Variants in CNTNAP3B observed in about 807,000 individuals in gnomAD.
The protein encoded by CNTNAP3B is contactin-associated protein-like 3B.
CNTNAP3B carries 25 observed loss-of-function variants against 108.9 expected under a neutral mutation model. That is an observed-to-expected ratio of 0.23 (90% CI 0.17 to 0.32). CNTNAP3B has a LOEUF of 0.32. CNTNAP3B is among the 10% of genes least tolerant of loss of function. CNTNAP3B has a pLI of 1.00. For synonymous variants in CNTNAP3B, 103 were observed against 473.4 expected, an observed-to-expected ratio of 0.22 and a Z score of 10.16; for missense variants, 252 against 1,210.4, an observed-to-expected ratio of 0.21 and a Z score of 11.75.
chr9:42,060,523 G>GTAAT (rs1226492018), intron 3 of CNTNAP3B, among the ~76,000 whole-genome samples: 2 of 78,498 alleles, frequency 2.5e-5, no homozygotes, highest in African/African-American at 1.2e-4. Flanking sequence ...TGGTATCAGG[G>GTAAT]TAATGCTGGT....
intron 2 of CNTNAP3B, among the ~76,000 whole-genome samples, chr9:42,094,393 G>T (rs1409476903): frequency 7.6e-6 from 1 of 130,724 alleles, no homozygotes; most frequent in South Asian, 2.5e-4. Context: ...GGTGGCTCAG[G>T]CCTGTAATCC....
At chr9:42,112,754 A>T (rs574671688) in intron 1 of CNTNAP3B, among the ~76,000 whole-genome samples, 5 of 137,346 alleles carry the variant, frequency 3.6e-5, no homozygotes, top group Non-Finnish European at 6.2e-5. Context: ...AGCACTACAA[A>T]TATAAAGTTA....
intron 2 of CNTNAP3B, among the ~76,000 whole-genome samples, chr9:42,098,340 G>A (rs1310550039): frequency 3.2e-5 from 4 of 124,238 alleles, no homozygotes; most frequent in South Asian, 2.7e-4. Context: ...CTGGGAGGCC[G>A]AGAAAGGTGG....
At position 42,113,931 on chromosome 9, in the gene CNTNAP3B, A is replaced by C. The variant is rs1369433951; in HGVS notation, c.86-9192T>G. ...CCATCGATATATACACCTACTATGC[A>C]ACCACAAAATTAAAAACTAAAAAAA... On this transcript the variant is annotated intron_variant, in intron 1 of 23. Transcript: ENST00000377561. 2.9e-5 allele frequency among the ~76,000 whole-genome samples: 4 copies of C among 137,514 alleles called. 1 individual carries two copies. Among genetic ancestry groups the C allele is most frequent in the Admixed American group, 7.3e-5 (1 of 13,736 alleles). 90.2% of individuals were successfully genotyped at this position (137,514 alleles called of 152,430 possible).
intron 3 of CNTNAP3B, among the ~76,000 whole-genome samples, chr9:42,022,149 G>A (rs1450195375): frequency 7.6e-6 from 1 of 131,478 alleles, no homozygotes; most frequent in East Asian, 2.3e-4. Context: ...ACTTCCTCAT[G>A]AATTCCAGCA....
intron 14 of CNTNAP3B, among the ~76,000 whole-genome samples, chr9:41,931,153 T>A (rs1197744989): frequency 1.3e-5 from 2 of 151,874 alleles, no homozygotes; most frequent in African/African-American, 4.8e-5. Context: ...TGCAACACTT[T>A]TGTATTTTCA....
chr9:41,961,237 G>A (rs1298023712), intron 11 of CNTNAP3B, among the ~76,000 whole-genome samples: 1 of 152,298 alleles, frequency 6.6e-6, no homozygotes, highest in African/African-American at 2.4e-5. Context: ...CAGTGGGAAT[G>A]CGATACTATC....
intron 5 of CNTNAP3B, among the ~76,000 whole-genome samples, 164 bp from the exon 6 acceptor site, chr9:41,997,916 G>GTTCA (rs1368584217): frequency 9.0e-6 from 1 of 111,186 alleles, no homozygotes. Flanking sequence ...ATTTTTTTAA[G>GTTCA]TTCAATTCTA....
intron 2 of CNTNAP3B, among the ~76,000 whole-genome samples, chr9:42,096,180 G>T (rs540711578): frequency 7.2e-6 from 1 of 139,148 alleles, no homozygotes; most frequent in African/African-American, 2.9e-5. Context: ...GGAGACTGGC[G>T]TTCTCCTTTC....
In CNTNAP3B at chr9:42,116,158, G is replaced by T. The variant is rs1254010344; in HGVS notation, c.86-11419C>A. Among the ~76,000 whole-genome samples, 9 of 136,912 alleles carry T rather than the reference G, an allele frequency of 6.6e-5. 2 individuals are homozygous for T. Among genetic ancestry groups the T allele is most frequent in the Non-Finnish European group, 1.4e-4 (9 of 63,682 alleles). The allele number at this position is 136,912 out of a possible 152,430, so 89.8% of individuals were successfully genotyped here. A position where few individuals can be genotyped will look rare whatever the true frequency, so the allele number is the denominator to read the frequency against. ...AAATGAATGAAATGAAGCGAGAAAA[G>T]AAGTTTAGAGAAAAAAGAGTAAAAA... On this transcript the variant is annotated intron_variant, in intron 1 of 23. Transcript: ENST00000377561.
chr9:41,955,659 T>C (rs1335011316), intron 12 of CNTNAP3B, among the ~76,000 whole-genome samples: 1 of 152,296 alleles, frequency 6.6e-6, no homozygotes, highest in African/African-American at 2.4e-5. Context: ...AGATTAATTA[T>C]AACAGTGGCT....
intron 18 of CNTNAP3B, among the ~76,000 whole-genome samples, chr9:41,916,552 T>C (rs1823522002): frequency 6.6e-6 from 1 of 151,736 alleles, no homozygotes; most frequent in African/African-American, 2.4e-5. Context: ...AGTAGGGATA[T>C]ATTTACTATC....
At chr9:41,927,411 A>C (rs1330189352) in intron 15 of CNTNAP3B, among the ~76,000 whole-genome samples, 69 of 149,368 alleles carry the variant, frequency 4.6e-4, no homozygotes, top group Middle Eastern at 3.4e-3. Context: ...GACAGGAAAG[A>C]AAGAAAGAAA....
chr9:41,928,201 AAC>A (rs1315726685), intron 15 of CNTNAP3B, among the ~76,000 whole-genome samples: 16 of 152,372 alleles, frequency 1.1e-4, no homozygotes, highest in African/African-American at 3.8e-4. Context: ...GCTGATAGAA[AAC>A]ACAAAATTTC....
intron 11 of CNTNAP3B, among the ~76,000 whole-genome samples, chr9:41,962,653 T>C (rs1477691444): frequency 7.0e-6 from 1 of 142,740 alleles, no homozygotes; most frequent in African/African-American, 2.7e-5. Flanking sequence ...GCCACTCAAC[T>C]CCTAGAAAAT....
chr9:42,087,357 C>G lies in CNTNAP3B; in HGVS notation c.197-10295G>C, dbSNP rs547247819. 3.8e-5 allele frequency among the ~76,000 whole-genome samples: 5 copies of G among 132,286 alleles called. No homozygotes were observed. In the East Asian group the frequency reaches 7.0e-4, roughly 18 times the overall value. The allele number at this position is 132,286 out of a possible 152,430, so 86.8% of individuals were successfully genotyped here. A position where few individuals can be genotyped will look rare whatever the true frequency, so the allele number is the denominator to read the frequency against. On this transcript the variant is annotated intron_variant, in intron 2 of 23. Coordinates refer to ENST00000377561, the MANE Select transcript of CNTNAP3B (RefSeq NM_001201380.3). ...AAGGCCTAAAAGCTCTTTTATGGAC[C>G]CTTTTTTCATGGTTGTTTATGCAGC...
chr9:41,945,576 T>C (rs892943667), intron 13 of CNTNAP3B, among the ~76,000 whole-genome samples: 1 of 152,310 alleles, frequency 6.6e-6, no homozygotes, highest in African/African-American at 2.4e-5. Flanking sequence ...TGAGAACACT[T>C]GGACACAGGA....
At chr9:42,069,846 AAT>A (rs1300788752) in intron 3 of CNTNAP3B, among the ~76,000 whole-genome samples, 3 of 88,590 alleles carry the variant, frequency 3.4e-5, no homozygotes, top group Non-Finnish European at 6.5e-5. Context: ...TGTGTATATA[AAT>A]ATATATATAT....
intron 18 of CNTNAP3B, among the ~76,000 whole-genome samples, chr9:41,919,055 G>A (rs1823594309): frequency 6.6e-6 from 1 of 152,286 alleles, no homozygotes; most frequent in Non-Finnish European, 1.5e-5. Flanking sequence ...AATATTGTAA[G>A]AGGTTTCATA....
Sources: gnomAD v4.1 joint callset for allele counts (sites outside exome capture counted in the v4.1 genomes callset) on GRCh38, gnomAD v4.1.1 for gene constraint, MANE v1.5 for transcripts, NCBI Gene and HGNC (gene_info 2026-07-23, HGNC 2026-07-21) for gene names.